Variants in NEK10 observed in about 807,000 individuals in gnomAD.
NEK10 encodes the protein NIMA related kinase 10, also known as serine/threonine-protein kinase Nek10.
A neutral mutation model predicts 159.8 loss-of-function variants in NEK10; 122 were observed. That is an observed-to-expected ratio of 0.76 (90% confidence interval 0.66 to 0.89). NEK10 has a LOEUF of 0.89. NEK10 is among the 40% of genes least tolerant of loss of function. The probability of loss-of-function intolerance (pLI) is 0.00; values close to 1 mark genes in which losing one functional copy is unlikely to be tolerated. For synonymous variants in NEK10, 466 were observed against 457.1 expected (o/e 1.02, Z -0.25); for missense variants, 1,342 against 1,323.1 (o/e 1.01, Z -0.22).
chr3:27,303,883 T>C (rs2044030764), intron 12 of NEK10, among the ~76,000 whole-genome samples: 1 of 152,232 alleles, frequency 6.6e-6, no homozygotes, highest in African/African-American at 2.4e-5. Context: ...CTGCAGATCA[T>C]AAAGACGATC....
chr3:27,171,897 C>T (rs752540661), intron 28 of NEK10, 24 bp from the exon 29 acceptor site: 1 of 1,600,668 alleles, frequency 6.2e-7, no homozygotes, highest in Non-Finnish European at 8.5e-7. Flanking sequence ...ATAGAAATAA[C>T]TTTACATTAT....
intron 22 of NEK10, among the ~76,000 whole-genome samples, chr3:27,275,670 T>C (rs2041715467): frequency 6.6e-6 from 1 of 151,930 alleles, no homozygotes; most frequent in Non-Finnish European, 1.5e-5. Flanking sequence ...GACCAGGAGG[T>C]TTTGTAAGTA....
At chr3:27,322,752 C>T (rs1182248254) in intron 5 of NEK10, among the ~76,000 whole-genome samples, 1 of 151,988 alleles carries the variant, frequency 6.6e-6, no homozygotes, top group African/African-American at 2.4e-5. Context: ...TTTGTTTTCT[C>T]TTCCCCCTTT....
chr3:27,211,697 C>T (rs1000777430), intron 23 of NEK10, among the ~76,000 whole-genome samples: 1 of 152,122 alleles, frequency 6.6e-6, no homozygotes, highest in African/African-American at 2.4e-5. Flanking sequence ...CGTTCATCTC[C>T]AAGCAATACT....
At chr3:27,349,741 T>C (rs1167021715) in intron 3 of NEK10, among the ~76,000 whole-genome samples, 1 of 152,176 alleles carries the variant, frequency 6.6e-6, no homozygotes, top group Non-Finnish European at 1.5e-5. Context: ...TCTGGTGACA[T>C]CTCCAATCAG....
rs780795523 is a variant in NEK10 at position 27,319,666 on chromosome 3, G to GA, written c.447+2510dup. On this transcript the variant is annotated intron_variant, in intron 6 of 35. Coordinates refer to ENST00000691995, the MANE Select transcript of NEK10 (RefSeq NM_001394966.1). ...AAGAGAAGGACATTTTTATGATAAG[G>GA]AAAAATAGAGAGCGGGTAGAAGGGA... 3.7e-4 allele frequency among the ~76,000 whole-genome samples: 56 copies of GA among 152,170 alleles called. 1 individual carries two copies. The highest frequency in any genetic ancestry group is 1.3e-3 in the Admixed American group (20 of 15,274).
chr3:27,363,185 T>C (rs1253567962), intron 1 of NEK10, among the ~76,000 whole-genome samples: 1 of 152,220 alleles, frequency 6.6e-6, no homozygotes, highest in East Asian at 1.9e-4. Flanking sequence ...AGGCTGGATG[T>C]CGCATCCTTC....
intron 31 of NEK10, among the ~76,000 whole-genome samples, chr3:27,134,996 G>T (rs1455167809): frequency 6.6e-6 from 1 of 152,168 alleles, no homozygotes; most frequent in Non-Finnish European, 1.5e-5. Context: ...TATAGGTGAG[G>T]AAGTCAGAGC....
At chr3:27,171,550 C>T (rs113020300) in intron 29 of NEK10, among the ~76,000 whole-genome samples, 1,808 of 152,234 alleles carry the variant, frequency 0.012, 11 homozygotes, top group South Asian at 0.021. Context: ...CCTACCCCGC[C>T]GGCCCACCCT....
chr3:27,242,522 G>A, intron 23 of NEK10, among the ~76,000 whole-genome samples: 1 of 122,468 alleles, frequency 8.2e-6, no homozygotes. Flanking sequence ...ATCCAGGATT[G>A]GGCCCAGGCA....
In NEK10 at chr3:27,239,719, G is replaced by A. The variant is rs1460621419; in HGVS notation, c.2090+16577C>T. 6.6e-5 allele frequency among the ~76,000 whole-genome samples: 10 copies of A among 152,144 alleles called. No homozygotes were observed. The Middle Eastern group carries it at 0.01, about 155-fold the overall frequency. ...GTTACAAAAACTAGGAATGAGCAAC[G>A]AAATTTAGGGAAAAAAGGCTTAAAA... On this transcript the variant is annotated intron_variant, in intron 23 of 35. Coordinates refer to ENST00000691995, the MANE Select transcript of NEK10 (RefSeq NM_001394966.1).
At chr3:27,269,938 T>C (rs1178534933) in intron 22 of NEK10, among the ~76,000 whole-genome samples, 1 of 152,166 alleles carries the variant, frequency 6.6e-6, no homozygotes, top group African/African-American at 2.4e-5. Context: ...TACAAAAAGT[T>C]TATATATATA....
At chr3:27,284,731 T>A in intron 21 of NEK10, 27 bp from the exon 22 acceptor site, 1 of 1,561,562 alleles carries the variant, frequency 6.4e-7, no homozygotes, top group Non-Finnish European at 8.8e-7. Flanking sequence ...GAAAACAAAT[T>A]TTATTTCCCC....
chr3:27,263,072 T>G (rs1357187269), intron 22 of NEK10, among the ~76,000 whole-genome samples: 11 of 152,238 alleles, frequency 7.2e-5, no homozygotes, highest in Non-Finnish European at 7.3e-5. Context: ...TGGAGTTTGC[T>G]GGAGGTCTAC....
rs143666722 is a variant in NEK10, at chr3:27,256,473, C to A, written c.2015-102G>T. ...ACACAATAACTACTACACTTCATAA[C>A]CAAAGGCTTTTCTTTTCTTAATGCT... is the stretch of plus-strand genomic sequence containing the variant. On this transcript the variant is annotated intron_variant, in intron 22 of 35. Coordinates refer to ENST00000691995, the MANE Select transcript of NEK10 (RefSeq NM_001394966.1). 1.1e-3 allele frequency: 544 copies of A among 485,792 alleles called. 6 individuals are homozygous for A. Among genetic ancestry groups the A allele is most frequent in the African/African-American group, 0.01 (517 of 49,868 alleles). 30.1% of individuals were successfully genotyped at this position (485,792 alleles called of 1,614,324 possible).
chr3:27,117,310 G>A (rs1242936904), intron 33 of NEK10, among the ~76,000 whole-genome samples: 2 of 152,114 alleles, frequency 1.3e-5, no homozygotes, highest in Admixed American at 6.6e-5. Context: ...ATCTTTATAA[G>A]GGAATGATTT....
In NEK10 at chr3:27,352,534, G is replaced by C. The variant is rs752738070; in HGVS notation, c.72-9C>G. On this transcript the variant is annotated splice_polypyrimidine_tract_variant and intron_variant, in intron 2 of 35. Coordinates refer to ENST00000691995, the MANE Select transcript of NEK10 (RefSeq NM_001394966.1). ...TAAGATCTGAATAGTCCCTAGGAGA[G>C]AGAATAACACAATGTGAACCCACAG... 5.0e-6 allele frequency: 8 copies of C among 1,598,394 alleles called. No individual in the cohort carries two copies. The highest frequency in any genetic ancestry group is 8.6e-7 in the Non-Finnish European group (1 of 1,166,028).
At chr3:27,313,522 G>A (rs1313144967) in intron 7 of NEK10, among the ~76,000 whole-genome samples, 1 of 152,094 alleles carries the variant, frequency 6.6e-6, no homozygotes, top group Non-Finnish European at 1.5e-5. Context: ...GCCAGGCCCA[G>A]TGGCACACAC....
chr3:27,158,602 A>T, intron 30 of NEK10, among the ~76,000 whole-genome samples: 1 of 152,228 alleles, frequency 6.6e-6, no homozygotes. Context: ...ATAAAGTGAC[A>T]ATTTCTATTC....
Sources: allele counts gnomAD v4.1 joint callset (sites outside exome capture counted in the v4.1 genomes callset), GRCh38; gene constraint gnomAD v4.1.1; transcripts MANE v1.5; gene names NCBI Gene and HGNC (gene_info 2026-07-23, HGNC 2026-07-21).